KLHL33: variants seen among roughly 807,000 people sequenced by gnomAD.
KLHL33 encodes the protein kelch like family member 33.
A neutral mutation model predicts 60.8 loss-of-function variants in KLHL33; 46 were observed. The observed-to-expected ratio is 0.76, with a 90% CI of 0.60 to 0.97. KLHL33 has a LOEUF of 0.97. Among genes scored for constraint, KLHL33 ranks in the 50% least tolerant of loss-of-function variants. The pLI, the probability that KLHL33 is intolerant of heterozygous loss-of-function variation, is 0.00. For missense variants in KLHL33, 1,055 were observed against 1,000.0 expected (o/e 1.05, Z -0.74); for synonymous variants, 434 against 432.2 (o/e 1.00, Z -0.05).
intron 1 of KLHL33, 31 bp downstream of exon 1, chr14:20,436,068 C>G: frequency 6.1e-6 from 2 of 330,328 alleles, no homozygotes; most frequent in African/African-American, 4.2e-5. Context: ...GGACCACACC[C>G]CTCCCCTATT....
chr14:20,435,470 G>C lies in KLHL33; in HGVS notation c.342C>G (p.Asp114Glu). 4 of 1,234,552 alleles carry C rather than the reference G, an allele frequency of 3.2e-6. No homozygotes were observed. The highest frequency in any genetic ancestry group is 4.0e-6 in the Non-Finnish European group (4 of 988,286). 76.5% of individuals were successfully genotyped at this position (1,234,552 alleles called of 1,614,324 possible). ...QRLREQRLLL[D>E]EEVSVAGRVY... Reference sequence around the variant, plus strand: ...CCCGCCCCGCGACTGACACCTCTTCGTCCAGCAACAGTCTCTGCTCCCGCA... The same window carrying C: ...CCCGCCCCGCGACTGACACCTCTTCCTCCAGCAACAGTCTCTGCTCCCGCA... The change falls in exon 2 of 5, where the codon GAC (aspartate) becomes GAG (glutamate). Residue 114 changes from aspartate (D) to glutamate (E), a missense_variant. Transcript: ENST00000636854.
chr14:20,431,841 C>G (rs1880518913), intron 2 of KLHL33, among the ~76,000 whole-genome samples: 1 of 152,224 alleles, frequency 6.6e-6, no homozygotes. Flanking sequence ...TCCACTGCCA[C>G]TGATGTCAGG....
Position 20,430,022 on chromosome 14 carries a change from C to T in KLHL33, c.1446G>A (p.Gly482=). ...GTCTTAGGGCCATGTCTGGTCTGAGCCCATCCCCGCCAATCACTACCAGTG... is the reference window on the plus strand; with the variant it reads ...GTCTTAGGGCCATGTCTGGTCTGAGTCCATCCCCGCCAATCACTACCAGTG... ...DRALVVIGGD[G]LRPDMALRQP... is the part of the protein sequence containing the mutation. The change falls in exon 3 of 5, where the codon GGG becomes GGA. Residue 482 remains glycine (G), a synonymous_variant. Coordinates refer to ENST00000636854, the MANE Select transcript of KLHL33 (RefSeq NM_001365790.2). 4.5e-6 allele frequency: 7 copies of T among 1,551,706 alleles called. No individual in the cohort carries two copies. The highest frequency in any genetic ancestry group is 6.1e-6 in the Non-Finnish European group (7 of 1,146,992).
At chr14:20,436,059 G>A (rs1192832498) in intron 1 of KLHL33, 40 bp downstream of exon 1, 3 of 348,288 alleles carry the variant, frequency 8.6e-6, no homozygotes, top group African/African-American at 6.3e-5. Context: ...CGGTAACCGG[G>A]ACCACACCCC....
At position 20,430,293 on chromosome 14, in the gene KLHL33, A is replaced by T. The variant is rs914573987; in HGVS notation, c.1175T>A (p.Leu392His). ...CLAELLDSDE[L>H]HVQEEFEAFV... ...GGCCTCAAACTCCTCCTGCACATGG[A>T]GCTCATCACTATCCAGGAGCTCAGC... The change falls in exon 3 of 5, where the codon CTC becomes CAC. Residue 392 changes from leucine to histidine, a missense_variant. By Grantham distance (99) the Leu-to-His change is moderately conservative. Coordinates refer to ENST00000636854, the MANE Select transcript of KLHL33 (RefSeq NM_001365790.2). 1.9e-6 allele frequency: 3 copies of T among 1,551,736 alleles called. No homozygotes were observed. In the East Asian group the frequency reaches 7.3e-5, roughly 38 times the overall value.
rs1880323111 is a variant in KLHL33 at position 20,427,408 on chromosome 14, A to C, written c.*1441T>G. The C allele has an allele frequency of 1.3e-5, 2 of 152,200 alleles. No individual in the cohort carries two copies. Among genetic ancestry groups the C allele is most frequent in the Non-Finnish European group, 1.5e-5 (1 of 68,040 alleles). The allele number at this position is 152,200 out of a possible 1,614,324, so 9.4% of individuals were successfully genotyped here. On this transcript the variant is annotated 3_prime_UTR_variant, in exon 5 of 5. Transcript: ENST00000636854. The stretch of plus-strand genomic sequence containing the variant: ...AGAGAAGAGAGTAGGTGGCAAGAGC[A>C]GCAGAATTATCTGAAAAGCCTCTGG...
intron 2 of KLHL33, among the ~76,000 whole-genome samples, chr14:20,433,936 G>A (rs940469499): frequency 3.9e-5 from 6 of 152,130 alleles, no homozygotes; most frequent in African/African-American, 2.4e-5. Flanking sequence ...AGCCCAACTA[G>A]ATAATCTCTA....
chr14:20,429,781 C>T lies in KLHL33; in HGVS notation c.1673+14G>A, dbSNP rs1880429294. 6.6e-7 allele frequency: 1 copy of T among 1,526,450 alleles called. No individual in the cohort carries two copies. The highest frequency in any genetic ancestry group is 1.4e-5 in the African/African-American group (1 of 72,318). The allele number at this position is 1,526,450 out of a possible 1,614,324, so 94.6% of individuals were successfully genotyped here. A position where few individuals can be genotyped will look rare whatever the true frequency, so the allele number is the denominator to read the frequency against. On this transcript the variant is annotated intron_variant, in intron 3 of 4. Coordinates refer to ENST00000636854, the MANE Select transcript of KLHL33 (RefSeq NM_001365790.2). ...AGGGCCTGCCACACCCTGCCCACTC[C>T]TAGAAGCTTATACCTGAGAGTTGAA... is the stretch of plus-strand genomic sequence containing the variant.
In KLHL33 at chr14:20,429,263, C is replaced by T. The variant is rs966994269; in HGVS notation, c.1980G>A (p.Lys660=). The T allele has an allele frequency of 6.0e-5, 93 of 1,551,620 alleles. No individual in the cohort carries two copies. The highest frequency in any genetic ancestry group is 8.0e-5 in the Non-Finnish European group (92 of 1,147,028). Reference sequence around the variant, plus strand: ...CCATAGGGCTCAGAAACGTCCCTGGCTTCTCAAGTTTGGGGTCATAGTGCA... The same window carrying T: ...CCATAGGGCTCAGAAACGTCCCTGGTTTCTCAAGTTTGGGGTCATAGTGCA... ...SLMHYDPKLE[K]PGTFLSPMGV... is the part of the protein sequence containing the mutation. Residue 660 remains lysine, a synonymous_variant, in exon 5 of 5, where the codon AAG becomes AAA. Coordinates refer to ENST00000636854, the MANE Select transcript of KLHL33 (RefSeq NM_001365790.2).
chr14:20,429,335 G>T lies in KLHL33; in HGVS notation c.1908C>A (p.Tyr636Ter). Residue 636 changes from tyrosine to a stop codon, truncating the protein, a stop_gained, in exon 5 of 5, where the codon TAC (tyrosine) becomes TAA (stop). Coordinates refer to ENST00000636854, the MANE Select transcript of KLHL33 (RefSeq NM_001365790.2). LOFTEE classifies it high-confidence loss of function. ...CAGTCCCACCACAGCCACCGCTCAC[G>T]TACAACTGGCCCTCCAAAATCGCAG... ...HAAAILEGQL[Y>*]VSGGCGGTGQ... is the part of the protein sequence containing the mutation. 2 of 1,551,722 alleles carry T rather than the reference G, an allele frequency of 1.3e-6. No homozygotes were observed. The highest frequency in any genetic ancestry group is 2.0e-5 in the Admixed American group (1 of 51,004).
rs1566500436 is a variant in KLHL33 at position 20,430,511 on chromosome 14, G to C, written c.957C>G (p.Ser319Arg). ...RAAQAALQYQ[S>R]SSCLDLCQKG... is the part of the protein sequence containing the mutation. Reference sequence around the variant, plus strand: ...TCTGACACAAATCCAAGCAGGAAGAGCTCTGGTACTGCAGAGCAGCCTGGG... The same window carrying C: ...TCTGACACAAATCCAAGCAGGAAGACCTCTGGTACTGCAGAGCAGCCTGGG... The change falls in exon 3 of 5, where the codon AGC becomes AGG. Residue 319 changes from serine (S) to arginine (R), a missense_variant. Physicochemically the swap from Ser to Arg is moderately radical, Grantham distance 110. Coordinates refer to ENST00000636854, the MANE Select transcript of KLHL33 (RefSeq NM_001365790.2). The C allele has an allele frequency of 6.5e-7, 1 of 1,548,410 alleles. No individual in the cohort carries two copies. The highest frequency in any genetic ancestry group is 1.2e-5 in the South Asian group (1 of 84,060).
rs747014779 is a variant in KLHL33, at chr14:20,430,578, G to A, written c.890C>T (p.Ser297Phe). The A allele has an allele frequency of 1.3e-5, 20 of 1,538,346 alleles. No homozygotes were observed. In the South Asian group the frequency reaches 2.4e-4, roughly 18 times the overall value. Reference sequence around the variant, plus strand: ...TGGCCACCTTGCCCGCACAACTCCGGAGTAAGCAAAAGAGACGAGGAGTCG... The same window carrying A: ...TGGCCACCTTGCCCGCACAACTCCGAAGTAAGCAAAAGAGACGAGGAGTCG... ...DLRLLVSFAYSGVVRARWPGL... is the reference protein window; with the variant it reads ...DLRLLVSFAYFGVVRARWPGL... The change falls in exon 3 of 5, where the codon TCC becomes TTC. Residue 297 changes from serine to phenylalanine, a missense_variant. Ser to Phe is a radical substitution (Grantham distance 155). Transcript: ENST00000636854.
chr14:20,429,083 C>T lies in KLHL33; in HGVS notation c.2160G>A (p.Val720=), dbSNP rs1211364362. ...THLAPLPSPH[V]GAASAVLQGE... The stretch of plus-strand genomic sequence containing the variant: ...CCTGCAGCACAGCACTTGCAGCCCC[C>T]ACATGGGGGGAGGGTAGGGGTGCCA... Residue 720 remains valine (V), a synonymous_variant, in exon 5 of 5, where the codon GTG becomes GTA. Coordinates refer to ENST00000636854, the MANE Select transcript of KLHL33 (RefSeq NM_001365790.2). The T allele has an allele frequency of 1.9e-6, 3 of 1,551,624 alleles. No homozygotes were observed. The highest frequency in any genetic ancestry group is 2.0e-5 in the Admixed American group (1 of 50,988).
Position 20,426,237 on chromosome 14 carries a change from C to G in KLHL33, c.*2612G>C, listed in dbSNP as rs1337379563. The G allele has an allele frequency of 6.6e-6, 1 of 152,206 alleles. No individual in the cohort carries two copies. The highest frequency in any genetic ancestry group is 1.5e-5 in the Non-Finnish European group (1 of 68,058). 9.4% of individuals were successfully genotyped at this position (152,206 alleles called of 1,614,324 possible). ...CCTACACAGGCCGGGCATTGTGGCT[C>G]ACGCCTGTAATCCCAGCACTTTCGG... On this transcript the variant is annotated 3_prime_UTR_variant, in exon 5 of 5. Coordinates refer to ENST00000636854, the MANE Select transcript of KLHL33 (RefSeq NM_001365790.2).
Position 20,427,034 on chromosome 14 carries a change from G to C in KLHL33, c.*1815C>G, listed in dbSNP as rs2139259336. On this transcript the variant is annotated 3_prime_UTR_variant, in exon 5 of 5. Coordinates refer to ENST00000636854, the MANE Select transcript of KLHL33 (RefSeq NM_001365790.2). ...AACATCACACTCTGGAGAATGTTGTGGGGTGGGGGGAGGGGGGAAGGATAG... is the reference window on the plus strand; with the variant it reads ...AACATCACACTCTGGAGAATGTTGTCGGGTGGGGGGAGGGGGGAAGGATAG... The C allele has an allele frequency of 8.7e-6, 1 of 115,332 alleles. No individual in the cohort carries two copies. The highest frequency in any genetic ancestry group is 3.4e-4 in the South Asian group (1 of 2,932). The allele number at this position is 115,332 out of a possible 1,614,324, so 7.1% of individuals were successfully genotyped here. A position where few individuals can be genotyped will look rare whatever the true frequency, so the allele number is the denominator to read the frequency against.
At chr14:20,430,813 T>C in intron 2 of KLHL33, 94 bp from the exon 3 acceptor site, 12 of 896,906 alleles carry the variant, frequency 1.3e-5, no homozygotes, top group Non-Finnish European at 1.8e-5. Context: ...GGCCAAACTC[T>C]AAGTTTGGCC....
Position 20,429,329 on chromosome 14 carries a change from G to T in KLHL33, c.1914C>A (p.Ser638Arg). 6.4e-7 allele frequency: 1 copy of T among 1,551,720 alleles called. No individual in the cohort carries two copies. Among genetic ancestry groups the T allele is most frequent in the African/African-American group, 1.4e-5 (1 of 73,170 alleles). The stretch of plus-strand genomic sequence containing the variant: ...ATTGGCCAGTCCCACCACAGCCACC[G>T]CTCACGTACAACTGGCCCTCCAAAA... ...AAILEGQLYV[S>R]GGCGGTGQYL... Residue 638 changes from serine (S) to arginine (R), a missense_variant, in exon 5 of 5, where the codon AGC becomes AGA. Coordinates refer to ENST00000636854, the MANE Select transcript of KLHL33 (RefSeq NM_001365790.2).
At position 20,435,908 on chromosome 14, in the gene KLHL33, G is replaced by T. The variant is rs1880680956; in HGVS notation, c.-19-78C>A. The T allele has an allele frequency of 4.7e-6, 5 of 1,072,526 alleles. No homozygotes were observed. The South Asian group carries it at 2.4e-4, about 52-fold the overall frequency. The allele number at this position is 1,072,526 out of a possible 1,614,324, so 66.4% of individuals were successfully genotyped here. ...GCCAGAGCAACCATGTCTCCAGCCAGTTGAAATGTCAGTCTCTCCCCTGCT... is the reference window on the plus strand; with the variant it reads ...GCCAGAGCAACCATGTCTCCAGCCATTTGAAATGTCAGTCTCTCCCCTGCT... On this transcript the variant is annotated intron_variant, in intron 1 of 4. Transcript: ENST00000636854.
Position 20,429,847 on chromosome 14 carries a change from A to C in KLHL33, c.1621T>G (p.Cys541Gly). ...TGACTGTAGAAATCTTGTCCCCCAC[A>C]CACATAGAGTTCACTTCCTGCCAGG... ...ASLAGSELYV[C>G]GGQDFYSHSN... The change falls in exon 3 of 5, where the codon TGT becomes GGT. Residue 541 changes from cysteine (C) to glycine (G), a missense_variant. Transcript: ENST00000636854. 6.4e-7 allele frequency: 1 copy of C among 1,551,292 alleles called. No individual in the cohort carries two copies. Among genetic ancestry groups the C allele is most frequent in the Non-Finnish European group, 8.7e-7 (1 of 1,146,656 alleles).
Sources: gnomAD v4.1 joint callset for allele counts (sites outside exome capture counted in the v4.1 genomes callset) on GRCh38, gnomAD v4.1.1 for gene constraint, MANE v1.5 for transcripts, NCBI Gene and HGNC (gene_info 2026-07-23, HGNC 2026-07-21) for gene names.